The following MXRA8 variants were observed in gnomAD, a reference collection of about 807,000 sequenced individuals.
The protein encoded by MXRA8 is matrix remodeling-associated protein 8.
A neutral mutation model predicts 51.4 loss-of-function variants in MXRA8; 44 were observed. The observed-to-expected ratio is 0.86, with a 90% CI of 0.67 to 1.10. MXRA8 has a LOEUF of 1.10. MXRA8 is among the 50% of genes least tolerant of loss of function. MXRA8 has a pLI of 0.00. For synonymous variants in MXRA8, 369 were observed against 293.5 expected, an observed-to-expected ratio of 1.26 and a Z score of -2.63; for missense variants, 765 against 638.9, an observed-to-expected ratio of 1.20 and a Z score of -2.13.
intron 1 of MXRA8, 107 bp downstream of exon 1, chr1:1,358,349 C>G: frequency 7.9e-6 from 10 of 1,268,906 alleles, no homozygotes; most frequent in Non-Finnish European, 1.1e-5. Flanking sequence ...CCTGGTGGGA[C>G]CTTCCCACTC....
intron 1 of MXRA8, among the ~76,000 whole-genome samples, chr1:1,358,126 C>T (rs1185886731): frequency 1.3e-5 from 2 of 152,174 alleles, no homozygotes; most frequent in Non-Finnish European, 2.9e-5. Context: ...TTCTCAGGTC[C>T]CCTTCAATCA....
intron 2 of MXRA8, 65 bp from the exon 3 acceptor site, chr1:1,355,817 A>G (rs1225422197): frequency 5.4e-5 from 4 of 74,748 alleles, no homozygotes; most frequent in African/African-American, 8.9e-4. Context: ...TGGGGGAGTC[A>G]GTGGGGGAGG....
chr1:1,361,154 G>A (rs1053495462), upstream of MXRA8: 16 of 694,554 alleles, frequency 2.3e-5, no homozygotes, highest in African/African-American at 1.2e-4. Flanking sequence ...GAAGATACAC[G>A]GAAACACAAA....
chr1:1,359,061 C>A (rs185073628), upstream of MXRA8: 674 of 985,472 alleles, frequency 6.8e-4, 4 homozygotes, highest in African/African-American at 0.011. Context: ...CCCTGCATGA[C>A]CTTGGTACCC....
chr1:1,353,095 G>A lies in MXRA8; in HGVS notation c.*509C>T. 6.1e-6 allele frequency: 4 copies of A among 650,408 alleles called. No individual in the cohort carries two copies. The South Asian group carries it at 6.9e-5, about 11-fold the overall frequency. The allele number at this position is 650,408 out of a possible 1,614,324, so 40.3% of individuals were successfully genotyped here. ...TGGTACAGGTGGGGGAGCTCTCGGTGGCAGGCAGCACCCCAGGAGGAGTGG... is the reference window on the plus strand; with the variant it reads ...TGGTACAGGTGGGGGAGCTCTCGGTAGCAGGCAGCACCCCAGGAGGAGTGG... On this transcript the variant is annotated 3_prime_UTR_variant, in exon 10 of 10. Coordinates refer to ENST00000309212, the MANE Select transcript of MXRA8 (RefSeq NM_032348.4).
Position 1,354,183 on chromosome 1 carries a change from G to C in MXRA8, c.1145+10C>G. 6.2e-7 allele frequency: 1 copy of C among 1,612,678 alleles called. No homozygotes were observed. ...CTGGTCCCCAGGAGGGCCGGGAGGG[G>C]GGCACTCACCCCTTTGACTTTCCCG... On this transcript the variant is annotated intron_variant, in intron 7 of 9. Coordinates refer to ENST00000309212, the MANE Select transcript of MXRA8 (RefSeq NM_032348.4).
rs149184973 is a variant in MXRA8, at chr1:1,354,219, C to T, written c.1119G>A (p.Ser373=). ...ARRRRGGYEY[S]DQKSGKSKGK... ...CCTTTGACTTTCCCGACTTCTGGTC[C>T]GAGTATTCGTAGCCTGGGAAGGAGA... Residue 373 remains serine, a synonymous_variant, in exon 7 of 10, where the codon TCG becomes TCA. Coordinates refer to ENST00000309212, the MANE Select transcript of MXRA8 (RefSeq NM_032348.4). 5 of 1,612,544 alleles carry T rather than the reference C, an allele frequency of 3.1e-6. No individual in the cohort carries two copies. Among genetic ancestry groups the T allele is most frequent in the African/African-American group, 1.3e-5 (1 of 75,064 alleles).
rs776658531 is a variant in MXRA8, at chr1:1,354,886, C to T, written c.745G>A (p.Ala249Thr). ...LRDRVAVGAD[A>T]FERGDFSLRI... The stretch of plus-strand genomic sequence containing the variant: ...AGTGAGAAGTCACCGCGCTCAAAGG[C>T]ATCCGCGCCCACAGCCACGCGGTCG... Residue 249 changes from alanine to threonine, a missense_variant, in exon 5 of 10, where the codon GCC becomes ACC. Ala to Thr is a moderately conservative substitution (Grantham distance 58). Transcript: ENST00000309212. 2 of 1,611,384 alleles carry T rather than the reference C, an allele frequency of 1.2e-6. No homozygotes were observed. The highest frequency in any genetic ancestry group is 1.3e-5 in the African/African-American group (1 of 74,914).
rs144911134 is a variant in MXRA8, at chr1:1,358,488, C to G, written c.17G>C (p.Arg6Pro). Residue 6 changes from arginine (R) to proline (P), a missense_variant, in exon 1 of 10, where the codon CGA (arginine) becomes CCA (proline). Coordinates refer to ENST00000309212, the MANE Select transcript of MXRA8 (RefSeq NM_032348.4). MALPS[R>P]ILLWKLVLLQ... is the part of the protein sequence containing the mutation. Reference sequence around the variant, plus strand: ...AAGCACAAGTTTCCAAAGCAGGATTCGGGATGGCAGCGCCATGGCCCCCGC... The same window carrying G: ...AAGCACAAGTTTCCAAAGCAGGATTGGGGATGGCAGCGCCATGGCCCCCGC... 6.2e-7 allele frequency: 1 copy of G among 1,613,088 alleles called. No homozygotes were observed. Among genetic ancestry groups the G allele is most frequent in the Non-Finnish European group, 8.5e-7 (1 of 1,179,516 alleles).
intron 9 of MXRA8, 60 bp downstream of exon 9, chr1:1,353,788 T>G: frequency 1.3e-6 from 2 of 1,503,772 alleles, no homozygotes; most frequent in Non-Finnish European, 8.9e-7. Flanking sequence ...TGGTCCCAGG[T>G]GAGGTGGAAT....
chr1:1,354,353 C>T lies in MXRA8; in HGVS notation c.1105+1G>A, dbSNP rs367760962. 6 of 1,609,646 alleles carry T rather than the reference C, an allele frequency of 3.7e-6. No homozygotes were observed. The African/African-American group carries it at 8.0e-5, about 21-fold the overall frequency. ...CGCTGGCTTTGCCGGGGCAGCCTCA[C>T]CTCCGCGGCGCCTGCGGGCGGCCAG... On this transcript the variant is annotated splice_donor_variant, in intron 6 of 9. Coordinates refer to ENST00000309212, the MANE Select transcript of MXRA8 (RefSeq NM_032348.4). LOFTEE classifies it high-confidence loss of function.
At chr1:1,358,578 C>T (rs1377118265), upstream of MXRA8, 5 of 1,554,072 alleles carry the variant, frequency 3.2e-6, no homozygotes, top group Admixed American at 7.6e-5. Flanking sequence ...CTACCCCCTC[C>T]CCCTCCTTAG....
chr1:1,359,617 G>A (rs976376332), upstream of MXRA8: 6 of 975,448 alleles, frequency 6.2e-6, no homozygotes, highest in African/African-American at 1.1e-4. Flanking sequence ...GAAGCCCAGT[G>A]CAGATCAGAG....
chr1:1,356,806 T>A, intron 1 of MXRA8, 102 bp from the exon 2 acceptor site: 4 of 1,059,496 alleles, frequency 3.8e-6, no homozygotes, highest in Non-Finnish European at 5.0e-6. Flanking sequence ...CCAAAGTGGA[T>A]GCTGTGACAC....
At chr1:1,357,757 C>T (rs1235564885) in intron 1 of MXRA8, among the ~76,000 whole-genome samples, 1 of 152,168 alleles carries the variant, frequency 6.6e-6, no homozygotes, top group Non-Finnish European at 1.5e-5. Flanking sequence ...TTGCAGTGAG[C>T]CGAGATCACG....
intron 1 of MXRA8, among the ~76,000 whole-genome samples, chr1:1,357,097 CTCA>C (rs1243536334): frequency 1.1e-4 from 16 of 152,296 alleles, no homozygotes; most frequent in Admixed American, 9.8e-4. Flanking sequence ...TCCTTGGACC[CTCA>C]GACGCTGGGG....
intron 4 of MXRA8, 35 bp from the exon 5 acceptor site, chr1:1,355,187 G>C: frequency 1.4e-6 from 2 of 1,407,670 alleles, no homozygotes; most frequent in South Asian, 1.6e-5. Flanking sequence ...CGCGCGGGCC[G>C]GGGCGGCGGT....
chr1:1,356,663 G>A lies in MXRA8; in HGVS notation c.73+18C>T, dbSNP rs532728780. 3 of 1,365,086 alleles carry A rather than the reference G, an allele frequency of 2.2e-6. No individual in the cohort carries two copies. In the South Asian group the frequency reaches 5.5e-5, roughly 25 times the overall value. 84.6% of individuals were successfully genotyped at this position (1,365,086 alleles called of 1,614,324 possible). ...TGAGGGGGAGTGGGGGTGGGCAGCT[G>A]GGGCTGGGGTCACTAACCTGAGTGC... On this transcript the variant is annotated intron_variant, in intron 2 of 9. Coordinates refer to ENST00000309212, the MANE Select transcript of MXRA8 (RefSeq NM_032348.4).
intron 1 of MXRA8, among the ~76,000 whole-genome samples, chr1:1,357,792 G>T (rs1255346429): frequency 2.0e-5 from 3 of 152,100 alleles, no homozygotes; most frequent in Non-Finnish European, 4.4e-5. Context: ...CCTCCTTGGC[G>T]AGAGAGAAAC....
Sources: gnomAD v4.1 joint callset for allele counts (sites outside exome capture counted in the v4.1 genomes callset) on GRCh38, gnomAD v4.1.1 for gene constraint, MANE v1.5 for transcripts, NCBI Gene and HGNC (gene_info 2026-07-23, HGNC 2026-07-21) for gene names.